Variants in SIMC1 observed in about 807,000 individuals in gnomAD.
SIMC1 encodes the protein SUMO interacting motifs containing 1.
SIMC1 carries 55 observed loss-of-function variants against 82.3 expected under a neutral mutation model. The observed-to-expected ratio is 0.67, with a 90% CI of 0.54 to 0.84. The LOEUF (loss-of-function observed/expected upper bound fraction) is 0.84, where lower values mean the gene tolerates loss of function less well. Ranked by LOEUF, SIMC1 falls within the 40% of genes least tolerant of loss-of-function variation. SIMC1 has a pLI of 0.00. For synonymous variants in SIMC1, 353 were observed against 426.3 expected, an observed-to-expected ratio of 0.83 and a Z score of 2.12; for missense variants, 915 against 1,107.2, an observed-to-expected ratio of 0.83 and a Z score of 2.46.
chr5:176,297,739 TAAGAC>T (rs1763884287), intron 4 of SIMC1, among the ~76,000 whole-genome samples: 1 of 152,182 alleles, frequency 6.6e-6, no homozygotes, highest in Non-Finnish European at 1.5e-5. Flanking sequence ...AGGATACAAT[TAAGAC>T]ATTTCCAGCT....
chr5:176,342,484 T>G (rs1766191901), intron 9 of SIMC1, among the ~76,000 whole-genome samples: 1 of 152,194 alleles, frequency 6.6e-6, no homozygotes, highest in Non-Finnish European at 1.5e-5. Context: ...TGGATGCCAT[T>G]AACGTGGTAT....
intron 1 of SIMC1, among the ~76,000 whole-genome samples, chr5:176,247,794 G>C (rs980652486): frequency 6.6e-6 from 1 of 151,606 alleles, no homozygotes; most frequent in African/African-American, 2.4e-5. Flanking sequence ...TAAGGTGTAA[G>C]GAAGGGGCCC....
intron 1 of SIMC1, among the ~76,000 whole-genome samples, chr5:176,260,694 A>G (rs1761985546): frequency 6.6e-6 from 1 of 152,148 alleles, no homozygotes; most frequent in African/African-American, 2.4e-5. Flanking sequence ...ATTTTAATAT[A>G]TACCACTATT....
At chr5:176,277,220 G>A (rs1450628409) in intron 1 of SIMC1, among the ~76,000 whole-genome samples, 1 of 151,534 alleles carries the variant, frequency 6.6e-6, no homozygotes, top group African/African-American at 2.4e-5. Context: ...ATTTTTTCAT[G>A]TGTTTTTTGG....
intron 1 of SIMC1, among the ~76,000 whole-genome samples, chr5:176,283,025 GA>G (rs1763085840): frequency 6.6e-6 from 1 of 152,198 alleles, no homozygotes; most frequent in South Asian, 2.1e-4. Flanking sequence ...GGGACTATGT[GA>G]AAAGACCAAA....
intron 7 of SIMC1, among the ~76,000 whole-genome samples, chr5:176,334,628 A>C (rs1297267649): frequency 6.6e-6 from 1 of 152,150 alleles, no homozygotes; most frequent in Non-Finnish European, 1.5e-5. Flanking sequence ...ATTCTCTGAC[A>C]CAAATTCTAG....
intron 1 of SIMC1, among the ~76,000 whole-genome samples, chr5:176,274,542 G>T (rs1273971581): frequency 6.6e-6 from 1 of 151,788 alleles, no homozygotes; most frequent in African/African-American, 2.4e-5. Flanking sequence ...GGCTTTTGTT[G>T]CCATTGCTTT....
At chr5:176,277,764 T>C (rs1006487764) in intron 1 of SIMC1, among the ~76,000 whole-genome samples, 3 of 151,948 alleles carry the variant, frequency 2.0e-5, no homozygotes, top group African/African-American at 7.3e-5. Flanking sequence ...GTTGTAGATA[T>C]GCGGTGTTAT....
chr5:176,315,155 C>T (rs948226509), intron 5 of SIMC1, among the ~76,000 whole-genome samples: 2 of 152,118 alleles, frequency 1.3e-5, no homozygotes, highest in African/African-American at 4.8e-5. Flanking sequence ...ACAAGTTGTA[C>T]AAGAAGCGTG....
chr5:176,330,067 C>T (rs939242203), intron 7 of SIMC1, among the ~76,000 whole-genome samples: 1 of 152,056 alleles, frequency 6.6e-6, no homozygotes, highest in African/African-American at 2.4e-5. Flanking sequence ...TGGAGCACAC[C>T]TCATACCCAG....
intron 9 of SIMC1, among the ~76,000 whole-genome samples, chr5:176,340,974 C>G (rs897493349): frequency 6.6e-6 from 1 of 152,098 alleles, no homozygotes; most frequent in African/African-American, 2.4e-5. Context: ...TGGCAGATCC[C>G]CATCTCTACT....
intron 4 of SIMC1, chr5:176,308,710 T>C (rs1764532873): frequency 1.4e-6 from 2 of 1,479,160 alleles, no homozygotes; most frequent in Non-Finnish European, 1.9e-6. Context: ...GAAATCCCAA[T>C]CCATATTGTA....
At chr5:176,252,188 G>T (rs912043026) in intron 1 of SIMC1, among the ~76,000 whole-genome samples, 2 of 146,034 alleles carry the variant, frequency 1.4e-5, no homozygotes, top group African/African-American at 5.1e-5. Context: ...CCTCCCGGAC[G>T]GGGCGGCTGG....
chr5:176,302,665 C>CA (rs368613925), intron 4 of SIMC1, among the ~76,000 whole-genome samples: 4,544 of 144,696 alleles, frequency 0.031, 72 homozygotes, highest in Non-Finnish European at 0.038. Flanking sequence ...AAAATTCCAC[C>CA]AAAAAAAAAA....
intron 3 of SIMC1, 106 bp from the exon 4 acceptor site, chr5:176,296,145 G>T: frequency 1.3e-6 from 2 of 1,576,028 alleles, no homozygotes. Flanking sequence ...AGAGCATGGA[G>T]GATAATGGAG....
chr5:176,283,347 A>G (rs879815701), intron 1 of SIMC1, among the ~76,000 whole-genome samples: 5 of 152,268 alleles, frequency 3.3e-5, no homozygotes, highest in Non-Finnish European at 7.3e-5. Flanking sequence ...TCTATAAGCC[A>G]GAAGAGAGTG....
chr5:176,264,423 G>A (rs1762121039), intron 1 of SIMC1, among the ~76,000 whole-genome samples: 1 of 152,252 alleles, frequency 6.6e-6, no homozygotes, highest in East Asian at 1.9e-4. Context: ...GCCAGAATGT[G>A]CTCTTGCATT....
chr5:176,276,388 G>A lies in SIMC1; in HGVS notation c.130-13266G>A, dbSNP rs563523550. 5.4e-4 allele frequency among the ~76,000 whole-genome samples: 82 copies of A among 150,688 alleles called. 3 individuals carry two copies. The highest frequency in any genetic ancestry group is 1.0e-3 in the Non-Finnish European group (71 of 67,694). On this transcript the variant is annotated intron_variant, in intron 1 of 9. Coordinates refer to ENST00000429602, the MANE Select transcript of SIMC1 (RefSeq NM_001308195.2). ...TTTTTTCTTTATTAGTCTTGCTAGC[G>A]GTCTATCAATTTTGTTGGTCCTTTC... is the stretch of plus-strand genomic sequence containing the variant.
intron 9 of SIMC1, among the ~76,000 whole-genome samples, chr5:176,340,640 C>T (rs995877225): frequency 4.6e-5 from 7 of 152,210 alleles, no homozygotes; most frequent in African/African-American, 1.2e-4. Context: ...TCTCTGTCCT[C>T]TGTGCTCACT....
Sources: gnomAD v4.1 joint callset for allele counts (sites outside exome capture counted in the v4.1 genomes callset) on GRCh38, gnomAD v4.1.1 for gene constraint, MANE v1.5 for transcripts, NCBI Gene and HGNC (gene_info 2026-07-23, HGNC 2026-07-21) for gene names.